The following PATJ variants were observed in gnomAD, a reference collection of about 807,000 sequenced individuals.
PATJ encodes PATJ crumbs cell polarity complex component, also known as inaD-like protein.
PATJ carries 190 observed loss-of-function variants against 224.9 expected under a neutral mutation model. The ratio of observed to expected loss-of-function variants is 0.84; its 90% CI spans 0.75 to 0.95. The LOEUF is 0.95. PATJ is among the 40% of genes least tolerant of loss of function. PATJ has a pLI of 0.00. For missense variants in PATJ, 2,121 were observed against 2,270.3 expected, an observed-to-expected ratio of 0.93 and a Z score of 1.34; for synonymous variants, 769 against 820.3, an observed-to-expected ratio of 0.94 and a Z score of 1.07.
intron 31 of PATJ, among the ~76,000 whole-genome samples, chr1:62,062,782 A>G (rs1187774437): frequency 6.6e-6 from 1 of 151,984 alleles, no homozygotes; most frequent in Non-Finnish European, 1.5e-5. Flanking sequence ...CAGGCATGAG[A>G]CACTGTCCAG....
chr1:61,746,109 A>ATC (rs917452172), intron 1 of PATJ, among the ~76,000 whole-genome samples: 3 of 145,258 alleles, frequency 2.1e-5, no homozygotes, highest in African/African-American at 7.6e-5. Context: ...ATATATATAT[A>ATC]TTTTGTATTT....
At chr1:61,826,635 A>G (rs1658318872) in intron 15 of PATJ, among the ~76,000 whole-genome samples, 1 of 152,238 alleles carries the variant, frequency 6.6e-6, no homozygotes, top group African/African-American at 2.4e-5. Flanking sequence ...TATTATTATT[A>G]TGTGCCAAAA....
At chr1:61,807,952 C>T (rs1451092191) in intron 13 of PATJ, among the ~76,000 whole-genome samples, 1 of 152,174 alleles carries the variant, frequency 6.6e-6, no homozygotes, top group Non-Finnish European at 1.5e-5. Flanking sequence ...ATGAGCTTTC[C>T]ACCAAGGACC....
At chr1:61,886,895 C>T (rs953229824) in intron 22 of PATJ, among the ~76,000 whole-genome samples, 2 of 150,276 alleles carry the variant, frequency 1.3e-5, no homozygotes, top group East Asian at 1.9e-4. Flanking sequence ...GTGGGAGGAC[C>T]GTTTAAGGCT....
chr1:62,116,471 A>T, intron 35 of PATJ, 61 bp from the exon 36 acceptor site: 2 of 1,577,390 alleles, frequency 1.3e-6, no homozygotes, highest in Non-Finnish European at 1.7e-6. Flanking sequence ...TCACACACAC[A>T]CGTATTATGC....
At chr1:61,855,625 G>T (rs1409867468) in intron 17 of PATJ, among the ~76,000 whole-genome samples, 4 of 152,128 alleles carry the variant, frequency 2.6e-5, no homozygotes, top group African/African-American at 9.7e-5. Context: ...ATGTTGTCCA[G>T]GCTGGTCTTG....
intron 14 of PATJ, among the ~76,000 whole-genome samples, chr1:61,817,206 A>G (rs1656283400): frequency 6.6e-6 from 1 of 152,218 alleles, no homozygotes; most frequent in African/African-American, 2.4e-5. Context: ...CAAGTATCAA[A>G]AATTCAGATA....
rs1557680990 is a variant in PATJ at position 61,808,530 on chromosome 1, G to T, written c.1683G>T (p.Lys561Asn). The T allele has an allele frequency of 1.9e-6, 3 of 1,591,098 alleles. No homozygotes were observed. The highest frequency in any genetic ancestry group is 1.1e-5 in the South Asian group (1 of 90,242). ...ATGCTGAGTTACAGAAATATTCAAA[G>T]GTAAGCATTTTTTATAACAAAGTTA... The part of the protein sequence containing the change: ...ADDAELQKYS[K>N]LLPIHTLRLG... The change falls in exon 14 of 44, where the codon AAG becomes AAT. Residue 561 changes from lysine (K) to asparagine (N), a missense_variant and splice_region_variant. Transcript: ENST00000642238.
intron 30 of PATJ, among the ~76,000 whole-genome samples, chr1:62,044,455 TA>T (rs1220356550): frequency 1.4e-4 from 22 of 152,340 alleles, no homozygotes; most frequent in Admixed American, 1.3e-3. Flanking sequence ...ATAGCAATGT[TA>T]AAGACATCTT....
intron 28 of PATJ, among the ~76,000 whole-genome samples, chr1:61,996,473 A>G (rs1433792448): frequency 6.6e-6 from 1 of 152,188 alleles, no homozygotes; most frequent in Non-Finnish European, 1.5e-5. Context: ...GCTTCTGTGT[A>G]TGTATGGATA....
At chr1:62,032,475 G>A (rs796311341) in intron 29 of PATJ, among the ~76,000 whole-genome samples, 26 of 152,312 alleles carry the variant, frequency 1.7e-4, no homozygotes, top group African/African-American at 5.8e-4. Context: ...CTTACAGTCA[G>A]CTGTGACTTA....
intron 28 of PATJ, among the ~76,000 whole-genome samples, chr1:62,005,068 C>G (rs1049118510): frequency 6.6e-6 from 1 of 151,090 alleles, no homozygotes; most frequent in Non-Finnish European, 1.5e-5. Flanking sequence ...TTGGTTAATA[C>G]GTAGTTTTTT....
intron 41 of PATJ, among the ~76,000 whole-genome samples, chr1:62,132,385 C>CGG (rs1398788465): frequency 6.6e-6 from 1 of 152,150 alleles, no homozygotes; most frequent in Non-Finnish European, 1.5e-5. Flanking sequence ...GTAATCCTGG[C>CGG]TGCTCAGGAG....
chr1:62,038,717 C>T (rs1170404729), intron 30 of PATJ: 5 of 319,542 alleles, frequency 1.6e-5, no homozygotes, highest in Non-Finnish European at 3.0e-5. Context: ...TTCTTTGTTT[C>T]TACAGTAAAC....
At chr1:62,070,677 T>C (rs1031695860) in intron 31 of PATJ, among the ~76,000 whole-genome samples, 5 of 152,314 alleles carry the variant, frequency 3.3e-5, no homozygotes, top group African/African-American at 1.2e-4. Flanking sequence ...ATCATCTGTT[T>C]AGAAGCAAAA....
chr1:62,076,681 T>C (rs896976811), intron 31 of PATJ, among the ~76,000 whole-genome samples: 10 of 152,226 alleles, frequency 6.6e-5, no homozygotes, highest in Non-Finnish European at 1.5e-4. Context: ...GAAACTGGGA[T>C]ATAAAGAAAA....
intron 33 of PATJ, among the ~76,000 whole-genome samples, chr1:62,096,360 A>C (rs985337058): frequency 2.0e-5 from 3 of 152,164 alleles, no homozygotes; most frequent in Non-Finnish European, 2.9e-5. Flanking sequence ...CAGATATGGA[A>C]TCCATGATCA....
chr1:61,841,132 C>T (rs984370048), intron 17 of PATJ, among the ~76,000 whole-genome samples: 1 of 151,914 alleles, frequency 6.6e-6, no homozygotes, highest in Non-Finnish European at 1.5e-5. Flanking sequence ...TATTAGTGCC[C>T]CAAACTCTAT....
At chr1:61,855,354 T>G (rs1663484436) in intron 17 of PATJ, among the ~76,000 whole-genome samples, 3 of 152,180 alleles carry the variant, frequency 2.0e-5, no homozygotes, top group South Asian at 2.1e-4. Context: ...ACTGAAATTG[T>G]TAAGATTATA....
Sources: allele counts gnomAD v4.1 joint callset (sites outside exome capture counted in the v4.1 genomes callset), GRCh38; gene constraint gnomAD v4.1.1; transcripts MANE v1.5; gene names NCBI Gene and HGNC (gene_info 2026-07-23, HGNC 2026-07-21).